C16orf92: variants seen among roughly 807,000 people sequenced by gnomAD.
The protein encoded by C16orf92 is fertilization-influencing membrane protein.
C16orf92 carries 14 observed loss-of-function variants against 13.7 expected under a neutral mutation model. The ratio of observed to expected loss-of-function variants is 1.02; its 90% CI spans 0.67 to 1.60. The LOEUF (loss-of-function observed/expected upper bound fraction) is 1.60. Among genes scored for constraint, C16orf92 ranks in the 40% most tolerant of loss-of-function variants. The probability of loss-of-function intolerance (pLI) is 0.00; values close to 1 mark genes in which losing one functional copy is unlikely to be tolerated. For missense variants in C16orf92, 116 were observed against 139.0 expected (o/e 0.83, Z 0.83); for synonymous variants, 50 against 57.4 (o/e 0.87, Z 0.58).
chr16:30,026,502 C>G, downstream of C16orf92: 1 of 947,992 alleles, frequency 1.1e-6, no homozygotes, highest in Non-Finnish European at 1.6e-6. Context: ...GCTGGGTCTG[C>G]TTGGTTGTCA....
At chr16:30,026,726 G>A (rs535614088), downstream of C16orf92, 23 of 1,614,054 alleles carry the variant, frequency 1.4e-5, no homozygotes, top group Middle Eastern at 3.3e-4. Context: ...TGGCCGCTCC[G>A]TCGTCCCCTC....
Position 30,024,684 on chromosome 16 carries a change from AAAAT to A in C16orf92, c.*464_*467del, listed in dbSNP as rs1190148269. 3 of 185,358 alleles carry A rather than the reference AAAAT, an allele frequency of 1.6e-5. No homozygotes were observed. The highest frequency in any genetic ancestry group is 7.1e-5 in the African/African-American group (3 of 42,412). The allele number at this position is 185,358 out of a possible 1,614,324, so 11.5% of individuals were successfully genotyped here. A position where few individuals can be genotyped will look rare whatever the true frequency, so the allele number is the denominator to read the frequency against. On this transcript the variant is annotated 3_prime_UTR_variant, in exon 4 of 4. Coordinates refer to ENST00000681219, the MANE Select transcript of C16orf92 (RefSeq NM_001109659.2). ...CTAGTTCAAATTTGGGTAAATAAATAAAATAAATAAGATTCCTCAAGCTGGCCTA... is the reference window on the plus strand; with the variant it reads ...CTAGTTCAAATTTGGGTAAATAAATAAAATAAGATTCCTCAAGCTGGCCTA...
chr16:30,023,365 G>C lies in C16orf92; in HGVS notation c.25G>C (p.Val9Leu), dbSNP rs1344159299. The change falls in exon 1 of 4, where the codon GTG becomes CTG. Residue 9 changes from valine (V) to leucine (L), a missense_variant. Coordinates refer to ENST00000681219, the MANE Select transcript of C16orf92 (RefSeq NM_001109659.2). MRLWPWVL[V>L]WVWLAALGAI... is the part of the protein sequence containing the mutation. Reference sequence around the variant, plus strand: ...CATGAGGCTGTGGCCATGGGTGCTGGTGTGGGTGTGGCTGGCTGCACTAGG... The same window carrying C: ...CATGAGGCTGTGGCCATGGGTGCTGCTGTGGGTGTGGCTGGCTGCACTAGG... 1 of 1,609,812 alleles carries C rather than the reference G, an allele frequency of 6.2e-7. No individual in the cohort carries two copies. Among genetic ancestry groups the C allele is most frequent in the South Asian group, 1.1e-5 (1 of 89,992 alleles).
chr16:30,026,108 A>T (rs1308326937), downstream of C16orf92, among the ~76,000 whole-genome samples: 2 of 152,118 alleles, frequency 1.3e-5, no homozygotes, highest in Non-Finnish European at 2.9e-5. Flanking sequence ...GTTGGTGGGC[A>T]CCTGTAATCC....
chr16:30,025,022 C>G (rs1293083516), downstream of C16orf92: 30 of 557,510 alleles, frequency 5.4e-5, no homozygotes, highest in Non-Finnish European at 8.3e-5. The surrounding 1 kb of genome is among the most constrained non-coding windows in gnomAD (Gnocchi z 4.1). Context: ...CTCTCCACCC[C>G]CTCAGTCCCC....
downstream of C16orf92, chr16:30,025,171 C>T (rs1479750644): frequency 7.7e-6 from 11 of 1,434,810 alleles, no homozygotes; most frequent in Middle Eastern, 2.6e-4. The surrounding 1 kb of genome is among the most constrained non-coding windows in gnomAD (Gnocchi z 4.1). Flanking sequence ...GGGAGGGTCC[C>T]GGCCCCCGGC....
chr16:30,026,162 G>A (rs901842797), downstream of C16orf92, among the ~76,000 whole-genome samples: 19 of 150,896 alleles, frequency 1.3e-4, 2 homozygotes, highest in Admixed American at 4.6e-4. Flanking sequence ...TTGAACTCAG[G>A]AGGCGGAGGT....
chr16:30,027,632 G>A (rs953585668), downstream of C16orf92: 6 of 455,982 alleles, frequency 1.3e-5, no homozygotes, highest in Non-Finnish European at 2.2e-5. Flanking sequence ...GGAAAATGCA[G>A]AGCAAAAGGA....
At chr16:30,026,521 AC>A (rs1314554137), downstream of C16orf92, 3 of 1,181,374 alleles carry the variant, frequency 2.5e-6, no homozygotes, top group South Asian at 2.9e-5. Context: ...CAGTACGCAG[AC>A]CCGGGGCTTC....
Position 30,024,540 on chromosome 16 carries a change from G to A in C16orf92, c.*313G>A, listed in dbSNP as rs2071005123. 4.6e-6 allele frequency: 2 copies of A among 431,940 alleles called. No individual in the cohort carries two copies. The highest frequency in any genetic ancestry group is 4.0e-5 in the African/African-American group (2 of 50,442). 26.8% of individuals were successfully genotyped at this position (431,940 alleles called of 1,614,324 possible). ...TCAGTAGCACCAGGGACATGGCAGG[G>A]CCCGAGGGCGCGATGTGCAGCCGAT... On this transcript the variant is annotated 3_prime_UTR_variant, in exon 4 of 4. Coordinates refer to ENST00000681219, the MANE Select transcript of C16orf92 (RefSeq NM_001109659.2).
At position 30,023,396 on chromosome 16, in the gene C16orf92, T is replaced by C. The variant is rs750540364; in HGVS notation, c.56T>C (p.Ile19Thr). The change falls in exon 1 of 4, where the codon ATA (isoleucine) becomes ACA (threonine). Residue 19 changes from isoleucine to threonine, a missense_variant. Coordinates refer to ENST00000681219, the MANE Select transcript of C16orf92 (RefSeq NM_001109659.2). Reference sequence around the variant, plus strand: ...GTGTGGCTGGCTGCACTAGGGGCCATAGAAACTGGTAAGAAGCTGTCTTGG... The same window carrying C: ...GTGTGGCTGGCTGCACTAGGGGCCACAGAAACTGGTAAGAAGCTGTCTTGG... ...VWVWLAALGA[I>T]ETAPRPKRAT... is the part of the protein sequence containing the mutation. The C allele has an allele frequency of 6.2e-7, 1 of 1,611,434 alleles. No individual in the cohort carries two copies. The highest frequency in any genetic ancestry group is 8.5e-7 in the Non-Finnish European group (1 of 1,179,120).
At chr16:30,026,486 G>C (rs2071141882), downstream of C16orf92, 3 of 831,766 alleles carry the variant, frequency 3.6e-6, no homozygotes, top group Middle Eastern at 3.6e-4. Flanking sequence ...CTTTCCCTGG[G>C]AATACGCTGG....
At position 30,024,100 on chromosome 16, in the gene C16orf92, C is replaced by A; in HGVS notation, c.311+14C>A. 1 of 1,611,264 alleles carries A rather than the reference C, an allele frequency of 6.2e-7. No individual in the cohort carries two copies. The highest frequency in any genetic ancestry group is 8.5e-7 in the Non-Finnish European group (1 of 1,177,384). ...CTGCACCCACATGTAAGGCCTGCCC[C>A]CTTTCTCCAACCCCACCCACCACCA... On this transcript the variant is annotated intron_variant, in intron 3 of 3. Transcript: ENST00000681219.
intron 3 of C16orf92, 60 bp downstream of exon 3, chr16:30,024,146 A>G: frequency 6.2e-7 from 1 of 1,610,554 alleles, no homozygotes; most frequent in Non-Finnish European, 8.5e-7. Context: ...GAGCGGCTGA[A>G]GACCCCAGTT....
chr16:30,024,596 C>T lies in C16orf92; in HGVS notation c.*369C>T, dbSNP rs1037938919. The T allele has an allele frequency of 1.3e-5, 4 of 301,982 alleles. No individual in the cohort carries two copies. Among genetic ancestry groups the T allele is most frequent in the East Asian group, 6.4e-5 (1 of 15,732 alleles). 18.7% of individuals were successfully genotyped at this position (301,982 alleles called of 1,614,324 possible). A position where few individuals can be genotyped will look rare whatever the true frequency, so the allele number is the denominator to read the frequency against. ...GGGACTGGGCGCCCTCGCCTGCCCCCGGGGTTGTCAGCACTGGGAAGGCTT... is the reference window on the plus strand; with the variant it reads ...GGGACTGGGCGCCCTCGCCTGCCCCTGGGGTTGTCAGCACTGGGAAGGCTT... On this transcript the variant is annotated 3_prime_UTR_variant, in exon 4 of 4. Transcript: ENST00000681219.
At chr16:30,027,400 G>A (rs2071195445), downstream of C16orf92, among the ~76,000 whole-genome samples, 1 of 152,210 alleles carries the variant, frequency 6.6e-6, no homozygotes, top group Non-Finnish European at 1.5e-5. Flanking sequence ...GTGAAGAAGT[G>A]AGTCACAGAG....
intron 1 of C16orf92, 77 bp from the exon 2 acceptor site, chr16:30,023,650 C>G (rs1245306296): frequency 1.9e-6 from 3 of 1,612,932 alleles, no homozygotes; most frequent in African/African-American, 2.7e-5. Flanking sequence ...CTCACAGGGT[C>G]CCAAGTCAGC....
chr16:30,023,225 G>C lies in C16orf92; in HGVS notation c.-116G>C. ...CTCTTCTCCTCTCCTCTTCTGATGAGAGTGAGGGATGGGGGAGGGGTCCCA... is the reference window on the plus strand; with the variant it reads ...CTCTTCTCCTCTCCTCTTCTGATGACAGTGAGGGATGGGGGAGGGGTCCCA... On this transcript the variant is annotated 5_prime_UTR_variant, in exon 1 of 4. Coordinates refer to ENST00000681219, the MANE Select transcript of C16orf92 (RefSeq NM_001109659.2). 3 of 856,040 alleles carry C rather than the reference G, an allele frequency of 3.5e-6. No homozygotes were observed. In the South Asian group the frequency reaches 4.5e-5, roughly 13 times the overall value. 53.0% of individuals were successfully genotyped at this position (856,040 alleles called of 1,614,324 possible). A position where few individuals can be genotyped will look rare whatever the true frequency, so the allele number is the denominator to read the frequency against.
intron 1 of C16orf92, 130 bp from the exon 2 acceptor site, chr16:30,023,597 G>T: frequency 6.5e-7 from 1 of 1,545,844 alleles, no homozygotes; most frequent in Non-Finnish European, 8.9e-7. Flanking sequence ...GACCCTGAGG[G>T]AAATCAAGAC....
Sources: gnomAD v4.1 joint callset for allele counts (sites outside exome capture counted in the v4.1 genomes callset) on GRCh38, gnomAD v4.1.1 for gene constraint, Gnocchi (gnomAD v3.1) non-coding constraint, MANE v1.5 for transcripts, NCBI Gene and HGNC (gene_info 2026-07-23, HGNC 2026-07-21) for gene names.